Variants in NMUR2 observed in about 807,000 individuals in gnomAD.
The protein encoded by NMUR2 is neuromedin-U receptor 2.
A neutral mutation model predicts 25.1 loss-of-function variants in NMUR2; 24 were observed. That is an observed-to-expected ratio of 0.96 (90% CI 0.69 to 1.34). NMUR2 has a LOEUF of 1.34. Among genes scored for constraint, NMUR2 ranks in the 40% most tolerant of loss-of-function variants. NMUR2 has a pLI of 0.00. For missense variants in NMUR2, 533 were observed against 512.8 expected, an observed-to-expected ratio of 1.04 and a Z score of -0.38; for synonymous variants, 218 against 208.1, an observed-to-expected ratio of 1.05 and a Z score of -0.41.
intron 2 of NMUR2, among the ~76,000 whole-genome samples, chr5:152,397,009 C>CTTTTTTTTTTTTTTT: frequency 9.1e-6 from 1 of 109,724 alleles, no homozygotes; most frequent in Non-Finnish European, 2.1e-5. Flanking sequence ...GAGTGAGCTT[C>CTTTTTTTTTTTTTTT]ATGTTTTTTT....
intron 2 of NMUR2, among the ~76,000 whole-genome samples, 193 bp from the exon 3 acceptor site, chr5:152,395,777 A>G (rs1753138980): frequency 6.6e-6 from 1 of 151,406 alleles, no homozygotes; most frequent in Non-Finnish European, 1.5e-5. Flanking sequence ...TGAATTGTAT[A>G]AGATCTAGGA....
chr5:152,404,883 C>A lies in NMUR2; in HGVS notation c.231G>T (p.Lys77Asn), dbSNP rs947489997. The change falls in exon 1 of 4, where the codon AAG (lysine) becomes AAT (asparagine). Residue 77 changes from lysine to asparagine, a missense_variant. Coordinates refer to ENST00000255262, the MANE Select transcript of NMUR2 (RefSeq NM_020167.5). ...CLVILQHQAM[K>N]TPTNYYLFSL... ...TGAAGAGGTAGTAGTTGGTGGGCGT[C>A]TTCATAGCCTGGTGCTGCAGAATCA... is the stretch of plus-strand genomic sequence containing the variant. 1.2e-6 allele frequency: 2 copies of A among 1,614,034 alleles called. No individual in the cohort carries two copies. Among genetic ancestry groups the A allele is most frequent in the Admixed American group, 3.3e-5 (2 of 60,010 alleles).
rs369018357 is a variant in NMUR2 at position 152,395,548 on chromosome 5, G to A, written c.848C>T (p.Pro283Leu). The A allele has an allele frequency of 7.4e-6, 12 of 1,613,380 alleles. No individual in the cohort carries two copies. Among genetic ancestry groups the A allele is most frequent in the South Asian group, 1.1e-5 (1 of 91,034 alleles). ...GAAGAAGAGTCGGTCAATGTGGAACGGGGCCCAACAGATAGCAAACACTAA... is the reference window on the plus strand; with the variant it reads ...GAAGAAGAGTCGGTCAATGTGGAACAGGGCCCAACAGATAGCAAACACTAA... ...LVLVFAICWA[P>L]FHIDRLFFSF... is the part of the protein sequence containing the mutation. Residue 283 changes from proline (P) to leucine (L), a missense_variant, in exon 3 of 4, where the codon CCG (proline) becomes CTG (leucine). By Grantham distance (98) the Pro-to-Leu change is moderately conservative (BLOSUM62 -3). Transcript: ENST00000255262.
chr5:152,394,354 T>C (rs1224097704), intron 3 of NMUR2, among the ~76,000 whole-genome samples: 3 of 152,310 alleles, frequency 2.0e-5, no homozygotes, highest in African/African-American at 7.2e-5. Context: ...ATACATAGTA[T>C]ACACAATATT....
intron 3 of NMUR2, among the ~76,000 whole-genome samples, chr5:152,394,588 T>C (rs4958533): frequency 0.97 from 147,387 of 152,292 alleles, 71,375 homozygotes; most frequent in East Asian, 1. Flanking sequence ...ATTCTTTGCT[T>C]CATTTTAGTA....
Position 152,392,428 on chromosome 5 carries a change from T to C in NMUR2, c.1011A>G (p.Ala337=), listed in dbSNP as rs1303345843. The part of the protein sequence containing the change: ...YNLLSRRFQA[A]FQNVISSFHK... The stretch of plus-strand genomic sequence containing the variant: ...GGAAAGAAGAGATCACATTCTGGAA[T>C]GCTGCCTGGAAGCGGCGAGACAGTA... The change falls in exon 4 of 4, where the codon GCA becomes GCG. Residue 337 remains alanine (A), a synonymous_variant. Transcript: ENST00000255262. The C allele has an allele frequency of 5.0e-6, 8 of 1,613,956 alleles. No individual in the cohort carries two copies. The highest frequency in any genetic ancestry group is 6.8e-6 in the Non-Finnish European group (8 of 1,179,962).
rs544852902 is a variant in NMUR2 at position 152,400,868 on chromosome 5, AC to A, written c.727-2725del. Among the ~76,000 whole-genome samples, 255 of 152,320 alleles carry A rather than the reference AC, an allele frequency of 1.7e-3. 1 individual carries two copies. Among genetic ancestry groups the A allele is most frequent in the African/African-American group, 5.8e-3 (242 of 41,574 alleles). On this transcript the variant is annotated intron_variant, in intron 1 of 3. Transcript: ENST00000255262. Reference sequence around the variant, plus strand: ...AATTTTTAAAAAAATCAAACATCAAACAAATAGTTCACGCAATTCTTTTATG... The same window carrying A: ...AATTTTTAAAAAAATCAAACATCAAAAAATAGTTCACGCAATTCTTTTATG...
Position 152,392,204 on chromosome 5 carries a change from A to G in NMUR2, c.1235T>C (p.Phe412Ser). 6.2e-7 allele frequency: 1 copy of G among 1,610,540 alleles called. No individual in the cohort carries two copies. The change falls in exon 4 of 4, where the codon TTT (phenylalanine) becomes TCT (serine). Residue 412 changes from phenylalanine to serine, a missense_variant. Phe to Ser is a radical substitution (Grantham distance 155). Transcript: ENST00000255262. ...CTCTGAAAGAATTCAGGTTTTGTTA[A>G]AGTGGAAGCTTTGATAGTTTGTTCT... ...MSRTNYQSFHFNKT is the reference protein window; with the variant it reads ...MSRTNYQSFHSNKT
intron 2 of NMUR2, among the ~76,000 whole-genome samples, chr5:152,396,506 G>T (rs1023240462): frequency 6.6e-6 from 1 of 152,134 alleles, no homozygotes. Flanking sequence ...TTGTTTGCCT[G>T]TGTGGTATGG....
rs572273246 is a variant in NMUR2, at chr5:152,394,272, C to T, written c.937+1187G>A. ...TGAGCTTTGGTTGCAAATGGTTGAA[C>T]AGGAAAGTGCTAATGTCCAGGAATA... On this transcript the variant is annotated intron_variant, in intron 3 of 3. Transcript: ENST00000255262. 2.6e-5 allele frequency among the ~76,000 whole-genome samples: 4 copies of T among 152,252 alleles called. No individual in the cohort carries two copies. The East Asian group carries it at 7.7e-4, about 29-fold the overall frequency.
intron 2 of NMUR2, 46 bp from the exon 3 acceptor site, chr5:152,395,630 G>T (rs376563068): frequency 1.9e-6 from 3 of 1,603,776 alleles, no homozygotes; most frequent in African/African-American, 2.7e-5. Context: ...GTCTGTGCAA[G>T]GATAGGTATA....
At position 152,403,661 on chromosome 5, in the gene NMUR2, A is replaced by G. The variant is rs1753295319; in HGVS notation, c.726+727T>C. ...ATCTCTCAATCTGCACCTGCTCAAA[A>G]GAAGCTCAAGTTATCTCAGTCATGT... is the stretch of plus-strand genomic sequence containing the variant. On this transcript the variant is annotated intron_variant, in intron 1 of 3. Transcript: ENST00000255262. Among the ~76,000 whole-genome samples the G allele has an allele frequency of 2.7e-5, 4 of 149,218 alleles. No individual in the cohort carries two copies. In the South Asian group the frequency reaches 8.3e-4, roughly 31 times the overall value.
chr5:152,392,285 T>C lies in NMUR2; in HGVS notation c.1154A>G (p.Gln385Arg), dbSNP rs564720550. Reference sequence around the variant, plus strand: ...GAGGTGAGAGTTGTGCATGGATGACTGACATGGGAATTGGGGACCTATATC... The same window carrying C: ...GAGGTGAGAGTTGTGCATGGATGACCGACATGGGAATTGGGGACCTATATC... ...TEDIGPQFPC[Q>R]SSMHNSHLPA... is the part of the protein sequence containing the mutation. The change falls in exon 4 of 4, where the codon CAG becomes CGG. Residue 385 changes from glutamine to arginine, a missense_variant. By Grantham distance (43) the Gln-to-Arg change is conservative (BLOSUM62 1). Transcript: ENST00000255262. The C allele has an allele frequency of 7.4e-6, 12 of 1,613,944 alleles. No homozygotes were observed. The African/African-American group carries it at 1.6e-4, about 22-fold the overall frequency.
intron 2 of NMUR2, among the ~76,000 whole-genome samples, chr5:152,397,676 C>A (rs567537775): frequency 2.0e-5 from 3 of 150,380 alleles, no homozygotes; most frequent in Non-Finnish European, 3.0e-5. Context: ...AGGTTAAAAA[C>A]CTGCTTATTT....
rs760667012 is a variant in NMUR2, at chr5:152,404,511, C to T, written c.603G>A (p.Ser201=). ...TGGGCTTGATGACCGTACAGGTGGC[C>T]GAACCTGGGACCAGGGACCCATTGG... The part of the protein sequence containing the change: ...YFPNGSLVPG[S]ATCTVIKPMW... The change falls in exon 1 of 4, where the codon TCG becomes TCA. Residue 201 remains serine (S), a synonymous_variant. Transcript: ENST00000255262. The T allele has an allele frequency of 1.6e-5, 26 of 1,614,016 alleles. No individual in the cohort carries two copies. In the South Asian group the frequency reaches 2.6e-4, roughly 16 times the overall value.
intron 1 of NMUR2, among the ~76,000 whole-genome samples, chr5:152,399,534 G>A (rs1186207710): frequency 6.6e-6 from 1 of 152,028 alleles, no homozygotes; most frequent in Non-Finnish European, 1.5e-5. Context: ...TATGAGGTCT[G>A]GAATTACAAA....
chr5:152,395,879 A>G (rs1251478553), intron 2 of NMUR2, among the ~76,000 whole-genome samples: 1 of 152,086 alleles, frequency 6.6e-6, no homozygotes, highest in African/African-American at 2.4e-5. Context: ...CAAAGTCCTG[A>G]AAACATCTTA....
chr5:152,404,486 T>C lies in NMUR2; in HGVS notation c.628A>G (p.Met210Val), dbSNP rs769060997. ...GSATCTVIKP[M>V]WIYNFIIQVT... ...TGGATGATGAAATTGTAGATCCACA[T>C]GGGCTTGATGACCGTACAGGTGGCC... The change falls in exon 1 of 4, where the codon ATG becomes GTG. Residue 210 changes from methionine to valine, a missense_variant. Coordinates refer to ENST00000255262, the MANE Select transcript of NMUR2 (RefSeq NM_020167.5). The C allele has an allele frequency of 6.2e-7, 1 of 1,614,130 alleles. No homozygotes were observed. The highest frequency in any genetic ancestry group is 1.1e-5 in the South Asian group (1 of 91,080).
chr5:152,395,912 T>G (rs1338781710), intron 2 of NMUR2, among the ~76,000 whole-genome samples: 3 of 152,104 alleles, frequency 2.0e-5, no homozygotes, highest in African/African-American at 7.2e-5. Context: ...AATAATAAAC[T>G]GTTAAATGTG....
Sources: gnomAD v4.1 joint callset for allele counts (sites outside exome capture counted in the v4.1 genomes callset) on GRCh38, gnomAD v4.1.1 for gene constraint, MANE v1.5 for transcripts, NCBI Gene and HGNC (gene_info 2026-07-23, HGNC 2026-07-21) for gene names.